The following CNTNAP5 variants were observed in gnomAD, a reference collection of about 807,000 sequenced individuals.
The protein encoded by CNTNAP5 is contactin associated protein family member 5.
A neutral mutation model predicts 150.2 loss-of-function variants in CNTNAP5; 72 were observed. That is an observed-to-expected ratio of 0.48 (90% CI 0.40 to 0.58). The LOEUF is 0.58. Among genes scored for constraint, CNTNAP5 ranks in the 20% least tolerant of loss-of-function variants. CNTNAP5 has a pLI of 0.00. For missense variants in CNTNAP5, 1,636 were observed against 1,626.2 expected (o/e 1.01, Z -0.10); for synonymous variants, 672 against 619.8 (o/e 1.08, Z -1.25).
intron 1 of CNTNAP5, among the ~76,000 whole-genome samples, chr2:124,117,421 A>T (rs985396382): frequency 1.3e-5 from 2 of 152,328 alleles, no homozygotes; most frequent in African/African-American, 4.8e-5. Flanking sequence ...TACAAGGCAT[A>T]TAGCATATGC....
chr2:124,710,591 G>T (rs1270298006), intron 13 of CNTNAP5, among the ~76,000 whole-genome samples: 2 of 152,142 alleles, frequency 1.3e-5, no homozygotes, highest in African/African-American at 4.8e-5. Context: ...AATACACCAT[G>T]TGTGGTGCTG....
At chr2:124,295,683 G>A (rs1021452679) in intron 3 of CNTNAP5, among the ~76,000 whole-genome samples, 15 of 78,416 alleles carry the variant, frequency 1.9e-4, no homozygotes, top group African/African-American at 7.5e-4. Context: ...TACTCCATAG[G>A]CAAAGAAGCC....
chr2:124,035,547 C>T (rs1236767656), intron 1 of CNTNAP5, among the ~76,000 whole-genome samples: 1 of 152,098 alleles, frequency 6.6e-6, no homozygotes, highest in Non-Finnish European at 1.5e-5. Context: ...GTGCTGCTCA[C>T]CGGGAAATAG....
intron 12 of CNTNAP5, among the ~76,000 whole-genome samples, chr2:124,640,989 G>A (rs1258810555): frequency 6.6e-6 from 1 of 151,946 alleles, no homozygotes; most frequent in Non-Finnish European, 1.5e-5. Flanking sequence ...AGCTGGGCGT[G>A]GTGGCGCATG....
chr2:124,864,310 G>T (rs1248922878), intron 19 of CNTNAP5, among the ~76,000 whole-genome samples: 1 of 151,890 alleles, frequency 6.6e-6, no homozygotes, highest in Non-Finnish European at 1.5e-5. Context: ...ATCAGATAAG[G>T]GTAGTTAGCA....
intron 1 of CNTNAP5, among the ~76,000 whole-genome samples, chr2:124,122,922 C>T (rs985321982): frequency 1.3e-5 from 2 of 152,008 alleles, no homozygotes; most frequent in South Asian, 2.1e-4. Context: ...ATATATCTCA[C>T]ATTAAGAAGC....
intron 13 of CNTNAP5, among the ~76,000 whole-genome samples, chr2:124,731,983 T>C (rs898509987): frequency 5.3e-5 from 8 of 152,132 alleles, no homozygotes; most frequent in Non-Finnish European, 2.9e-5. Flanking sequence ...TCTTTGTTCA[T>C]CATTTGGGTG....
chr2:124,511,727 C>T (rs758474829), intron 8 of CNTNAP5, among the ~76,000 whole-genome samples: 8 of 152,192 alleles, frequency 5.3e-5, no homozygotes, highest in African/African-American at 1.9e-4. Context: ...TTGGGAGTAC[C>T]CAGGGCCAAG....
chr2:124,371,478 A>G (rs1251176697), intron 3 of CNTNAP5, among the ~76,000 whole-genome samples: 1 of 152,152 alleles, frequency 6.6e-6, no homozygotes, highest in East Asian at 1.9e-4. Flanking sequence ...TCCATAATCC[A>G]TTAGGTTTGG....
chr2:124,216,285 T>C (rs1374623168), intron 1 of CNTNAP5, among the ~76,000 whole-genome samples: 1 of 152,026 alleles, frequency 6.6e-6, no homozygotes, highest in African/African-American at 2.4e-5. Context: ...AGTTATTTGT[T>C]GAAGAAAAAT....
At chr2:124,336,756 T>G (rs2104686635) in intron 3 of CNTNAP5, among the ~76,000 whole-genome samples, 1 of 152,246 alleles carries the variant, frequency 6.6e-6, no homozygotes, top group African/African-American at 2.4e-5. Flanking sequence ...TGCCACATTT[T>G]CTTAATCCAG....
At chr2:124,730,540 A>G (rs1225528585) in intron 13 of CNTNAP5, among the ~76,000 whole-genome samples, 1 of 152,070 alleles carries the variant, frequency 6.6e-6, no homozygotes, top group Non-Finnish European at 1.5e-5. Flanking sequence ...CATAGCAACT[A>G]GTATGTTGTA....
chr2:124,479,770 A>G (rs75293929), intron 7 of CNTNAP5, among the ~76,000 whole-genome samples: 6,339 of 152,258 alleles, frequency 0.042, 161 homozygotes, highest in Non-Finnish European at 0.051. Context: ...CATCCTCAAT[A>G]AAATCATAAT....
intron 3 of CNTNAP5, among the ~76,000 whole-genome samples, chr2:124,391,828 C>T (rs1401004725): frequency 7.2e-5 from 11 of 152,162 alleles, no homozygotes; most frequent in African/African-American, 1.2e-4. Flanking sequence ...CGGTGGCGGG[C>T]GCCTGTAGTC....
chr2:124,920,954 C>CT lies in CNTNAP5; in HGVS notation c.*6671dup, dbSNP rs1558827799. ...ATGGTAAAAGCACAAAACAGGTCAT[C>CT]TTTTTGTGGAAATGCTGGAGTCTAC... On this transcript the variant is annotated 3_prime_UTR_variant, in exon 24 of 24. Transcript: ENST00000682447. 6.6e-6 allele frequency among the ~76,000 whole-genome samples: 1 copy of CT among 152,082 alleles called. No homozygotes were observed. Among genetic ancestry groups the CT allele is most frequent in the East Asian group, 1.9e-4 (1 of 5,170 alleles).
Position 124,790,134 on chromosome 2 carries a change from C to CA in CNTNAP5, c.2991dup (p.Glu998ArgfsTer7), listed in dbSNP as rs1486530067. 2 of 1,605,490 alleles carry CA rather than the reference C, an allele frequency of 1.2e-6. No individual in the cohort carries two copies. The highest frequency in any genetic ancestry group is 1.7e-6 in the Non-Finnish European group (2 of 1,177,224). ...ATTCACCTTATGAAGGGCCCTTTTG[C>CA]AAAAAAGGTACCTTAGGCGCTCCTG... is the stretch of plus-strand genomic sequence containing the variant. On this transcript the variant is annotated frameshift_variant, in exon 18 of 24. Transcript: ENST00000682447. LOFTEE classifies it high-confidence loss of function.
At chr2:124,899,081 C>T (rs1344994780) in intron 21 of CNTNAP5, among the ~76,000 whole-genome samples, 1 of 151,396 alleles carries the variant, frequency 6.6e-6, no homozygotes, top group South Asian at 2.1e-4. Context: ...CGCCATGTCA[C>T]GTTAAACATC....
rs1689491539 is a variant in CNTNAP5 at position 124,337,095 on chromosome 2, T to C, written c.382-80348T>C. Reference sequence around the variant, plus strand: ...ACTGGTGTGAGATGGTATCTCATTGTGGTTTTGATTTGCATTTCTCTGATG... The same window carrying C: ...ACTGGTGTGAGATGGTATCTCATTGCGGTTTTGATTTGCATTTCTCTGATG... On this transcript the variant is annotated intron_variant, in intron 3 of 23. Coordinates refer to ENST00000682447, the MANE Select transcript of CNTNAP5 (RefSeq NM_001367498.1). 2.0e-5 allele frequency among the ~76,000 whole-genome samples: 3 copies of C among 152,178 alleles called. 1 individual carries two copies. The highest frequency in any genetic ancestry group is 4.1e-4 in the South Asian group (2 of 4,828).
Position 124,637,738 on chromosome 2 carries a change from C to G in CNTNAP5, c.1877-10020C>G, listed in dbSNP as rs145875778. 2.5e-3 allele frequency among the ~76,000 whole-genome samples: 378 copies of G among 152,250 alleles called. 1 individual carries two copies. The highest frequency in any genetic ancestry group is 8.5e-3 in the African/African-American group (352 of 41,556). ...TTATTGCTGCCATTCTGAAGTCTTA[C>G]CTACAGAAGAGATTTTTTTCCCTTT... On this transcript the variant is annotated intron_variant, in intron 12 of 23. Transcript: ENST00000682447.
Sources: allele counts gnomAD v4.1 joint callset (sites outside exome capture counted in the v4.1 genomes callset), GRCh38; gene constraint gnomAD v4.1.1; transcripts MANE v1.5; gene names NCBI Gene and HGNC (gene_info 2026-07-23, HGNC 2026-07-21).